The following CALN1 variants were observed in gnomAD, a reference collection of about 807,000 sequenced individuals.
CALN1 encodes the protein calcium-binding protein 8.
A neutral mutation model predicts 30.6 loss-of-function variants in CALN1; 17 were observed. That is an observed-to-expected ratio of 0.56 (90% CI 0.38 to 0.83). The LOEUF (loss-of-function observed/expected upper bound fraction) is 0.83. Ranked by LOEUF, CALN1 falls within the 40% of genes least tolerant of loss-of-function variation. CALN1 has a pLI of 0.00. For synonymous variants in CALN1, 156 were observed against 131.4 expected, an observed-to-expected ratio of 1.19 and a Z score of -1.28; for missense variants, 291 against 354.9, an observed-to-expected ratio of 0.82 and a Z score of 1.45.
rs542583979 is a variant in CALN1 at position 72,019,361 on chromosome 7, G to A, written c.501+4296C>T. 3.3e-5 allele frequency among the ~76,000 whole-genome samples: 5 copies of A among 152,266 alleles called. No individual in the cohort carries two copies. The South Asian group carries it at 8.3e-4, about 25-fold the overall frequency. On this transcript the variant is annotated intron_variant, in intron 5 of 6. Transcript: ENST00000395275. ...CTTTATGGTAGCTAGCCTCCAAAGTGATCCACAATGGCTCCTGCCTCCTGG... is the reference window on the plus strand; with the variant it reads ...CTTTATGGTAGCTAGCCTCCAAAGTAATCCACAATGGCTCCTGCCTCCTGG...
intron 5 of CALN1, among the ~76,000 whole-genome samples, chr7:71,827,158 C>T (rs1025578659): frequency 1.3e-5 from 2 of 152,150 alleles, no homozygotes; most frequent in African/African-American, 4.8e-5. Flanking sequence ...TTCAACTTGG[C>T]GTGTCACTTA....
chr7:72,237,581 G>C (rs186627337), intron 3 of CALN1, among the ~76,000 whole-genome samples: 53 of 152,294 alleles, frequency 3.5e-4, no homozygotes, highest in African/African-American at 1.2e-3. Flanking sequence ...AAACCAAGGA[G>C]AGTCTTCACT....
intron 4 of CALN1, among the ~76,000 whole-genome samples, chr7:72,065,528 T>C (rs567008372): frequency 1.5e-3 from 231 of 152,300 alleles, no homozygotes; most frequent in Non-Finnish European, 2.3e-3. Flanking sequence ...TATTCTTCTC[T>C]ATAAAGCAAG....
intron 2 of CALN1, among the ~76,000 whole-genome samples, chr7:72,374,956 G>A (rs1373792114): frequency 6.6e-6 from 1 of 151,814 alleles, no homozygotes; most frequent in Non-Finnish European, 1.5e-5. Flanking sequence ...TATAAATATG[G>A]ATCTAATTTT....
At chr7:71,852,398 G>A (rs1485862283) in intron 5 of CALN1, among the ~76,000 whole-genome samples, 2 of 151,020 alleles carry the variant, frequency 1.3e-5, no homozygotes, top group African/African-American at 4.9e-5. Flanking sequence ...GCACTTCCAG[G>A]AGCTAAGTGG....
chr7:72,300,444 A>C (rs1799179602), intron 2 of CALN1, among the ~76,000 whole-genome samples: 1 of 152,200 alleles, frequency 6.6e-6, no homozygotes, highest in South Asian at 2.1e-4. Context: ...AAGAAAAAAA[A>C]ACAGTTAAAA....
chr7:72,408,769 C>T (rs944087523), intron 1 of CALN1, among the ~76,000 whole-genome samples: 5 of 141,250 alleles, frequency 3.5e-5, no homozygotes, highest in Non-Finnish European at 7.6e-5. Flanking sequence ...CTCAACCTCC[C>T]GGGCTCAAGT....
At chr7:71,803,486 T>C (rs1708624310) in intron 6 of CALN1, among the ~76,000 whole-genome samples, 1 of 152,152 alleles carries the variant, frequency 6.6e-6, no homozygotes, top group African/African-American at 2.4e-5. Context: ...CCTTCTTTTT[T>C]CTTTTTTTGG....
intron 2 of CALN1, among the ~76,000 whole-genome samples, chr7:72,359,976 C>CAAAAAGAAAAAAAAA (rs1803469025): frequency 1.6e-5 from 1 of 63,954 alleles, no homozygotes; most frequent in Non-Finnish European, 2.6e-5. Context: ...GACTCCATCT[C>CAAAAAGAAAAAAAAA]AAAAAAAAAA....
intron 3 of CALN1, among the ~76,000 whole-genome samples, chr7:72,268,650 A>C (rs1443050654): frequency 2.0e-5 from 3 of 152,078 alleles, no homozygotes; most frequent in Admixed American, 2.0e-4. Flanking sequence ...ACAAAAAATT[A>C]TCCAGGCATG....
chr7:72,404,508 C>A (rs1201168883), intron 1 of CALN1, among the ~76,000 whole-genome samples: 1 of 152,222 alleles, frequency 6.6e-6, no homozygotes, highest in Non-Finnish European at 1.5e-5. Context: ...AAAGCCCCGG[C>A]CACCATGGAT....
At chr7:72,279,712 G>A (rs1424515277) in intron 2 of CALN1, among the ~76,000 whole-genome samples, 2 of 152,230 alleles carry the variant, frequency 1.3e-5, no homozygotes, top group African/African-American at 2.4e-5. Context: ...AGGAAAGGCA[G>A]ATGGGAAGAT....
chr7:72,502,533 C>G, the CALN1 span, among the ~76,000 whole-genome samples: 3 of 151,856 alleles, frequency 2.0e-5, no homozygotes, highest in Non-Finnish European at 4.4e-5. Flanking sequence ...TAATCACTTT[C>G]ACCATATTTT....
At position 72,306,960 on chromosome 7, in the gene CALN1, G is replaced by A. The variant is rs572171433; in HGVS notation, c.120-28150C>T. 1.5e-4 allele frequency among the ~76,000 whole-genome samples: 23 copies of A among 152,266 alleles called. No individual in the cohort carries two copies. In the East Asian group the frequency reaches 2.3e-3, roughly 15 times the overall value. On this transcript the variant is annotated intron_variant, in intron 2 of 6. Transcript: ENST00000395275. ...ACCCCATCTCCAGATAGCATCACAC[G>A]GAAGAGAGGAAGAGCCTCAACATGT...
At chr7:72,209,783 G>A (rs191430034) in intron 3 of CALN1, among the ~76,000 whole-genome samples, 1 of 151,990 alleles carries the variant, frequency 6.6e-6, no homozygotes, top group Admixed American at 6.6e-5. Context: ...TCAGAGAAAT[G>A]GAATCCTACA....
At chr7:72,072,481 T>C (rs1468207352) in intron 4 of CALN1, among the ~76,000 whole-genome samples, 1 of 152,242 alleles carries the variant, frequency 6.6e-6, no homozygotes, top group Non-Finnish European at 1.5e-5. Context: ...CAGTTTGTTA[T>C]CACTAGACTT....
At chr7:72,274,476 C>A (rs1797209710) in intron 3 of CALN1, among the ~76,000 whole-genome samples, 1 of 149,956 alleles carries the variant, frequency 6.7e-6, no homozygotes, top group Admixed American at 6.7e-5. Context: ...CCACTGCACT[C>A]CAGCCTCGGT....
At chr7:72,012,097 G>A (rs745848319) in intron 5 of CALN1, among the ~76,000 whole-genome samples, 2 of 152,210 alleles carry the variant, frequency 1.3e-5, no homozygotes, top group Non-Finnish European at 2.9e-5. Context: ...AACCAGTGGT[G>A]CCAGGACTTT....
chr7:72,154,812 G>C (rs1300067305), intron 3 of CALN1, among the ~76,000 whole-genome samples: 2 of 152,168 alleles, frequency 1.3e-5, no homozygotes, highest in African/African-American at 4.8e-5. Flanking sequence ...GGAGGCTGAA[G>C]AGAAAGGAGG....
Sources: allele counts gnomAD v4.1 joint callset (sites outside exome capture counted in the v4.1 genomes callset), GRCh38; gene constraint gnomAD v4.1.1; transcripts MANE v1.5; gene names NCBI Gene and HGNC (gene_info 2026-07-23, HGNC 2026-07-21).